ACSBG1: variants seen among roughly 807,000 people sequenced by gnomAD.
The protein encoded by ACSBG1 is acyl-CoA synthetase bubblegum family member 1, also known as long-chain-fatty-acid--CoA ligase ACSBG1.
A neutral mutation model predicts 80.2 loss-of-function variants in ACSBG1; 39 were observed. That is an observed-to-expected ratio of 0.49 (90% CI 0.38 to 0.64). The LOEUF is 0.64. Among genes scored for constraint, ACSBG1 ranks in the 30% least tolerant of loss-of-function variants. The pLI is 0.00. For missense variants in ACSBG1, 828 were observed against 966.4 expected (o/e 0.86, Z 1.90); for synonymous variants, 392 against 379.5 (o/e 1.03, Z -0.38).
At chr15:78,187,013 A>G (rs1171552740) in intron 5 of ACSBG1, among the ~76,000 whole-genome samples, 1 of 152,208 alleles carries the variant, frequency 6.6e-6, no homozygotes, top group Non-Finnish European at 1.5e-5. Context: ...TCCCACAGAA[A>G]TACAAACTAC....
At chr15:78,232,887 G>C (rs2075459119) in intron 1 of ACSBG1, among the ~76,000 whole-genome samples, 1 of 152,054 alleles carries the variant, frequency 6.6e-6, no homozygotes, top group Admixed American at 6.5e-5. Flanking sequence ...ATCACATTGG[G>C]CAGGCTGGTC....
intron 5 of ACSBG1, among the ~76,000 whole-genome samples, chr15:78,188,463 G>T (rs2141340505): frequency 6.6e-6 from 1 of 150,680 alleles, no homozygotes; most frequent in Non-Finnish European, 1.5e-5. Context: ...CATGGTACTG[G>T]TACCAAAACA....
At chr15:78,180,287 T>C (rs1469292557) in intron 9 of ACSBG1, among the ~76,000 whole-genome samples, 1 of 152,168 alleles carries the variant, frequency 6.6e-6, no homozygotes, top group Non-Finnish European at 1.5e-5. Flanking sequence ...TACTTCTAAA[T>C]TGAAACCAAG....
chr15:78,207,006 C>T (rs1458687771), intron 2 of ACSBG1, among the ~76,000 whole-genome samples: 1 of 152,236 alleles, frequency 6.6e-6, no homozygotes, highest in Non-Finnish European at 1.5e-5. Flanking sequence ...TTGAGCACCC[C>T]AGAGAAGGGA....
chr15:78,182,379 T>TC (rs1396398612), intron 7 of ACSBG1, 87 bp downstream of exon 7: 5 of 1,542,874 alleles, frequency 3.2e-6, no homozygotes, highest in Non-Finnish European at 4.4e-6. Context: ...CAAGGAGCTT[T>TC]CCCAGGGGCT....
In ACSBG1 at chr15:78,174,506, C is replaced by T; in HGVS notation, c.1721G>A (p.Gly574Asp). 6.2e-7 allele frequency: 1 copy of T among 1,614,152 alleles called. No individual in the cohort carries two copies. Among genetic ancestry groups the T allele is most frequent in the East Asian group, 2.2e-5 (1 of 44,886 alleles). The change falls in exon 12 of 14, where the codon GGT (glycine) becomes GAT (aspartate). Residue 574 changes from glycine (G) to aspartate (D), a missense_variant. Transcript: ENST00000258873. ...GRLKELIITAGGENVPPVPIE... is the reference protein window; with the variant it reads ...GRLKELIITADGENVPPVPIE... ...GGGCACAGGGGGCACATTCTCCCCA[C>T]CAGCTGTGATGATTAATTCTGGGGA...
At chr15:78,233,668 T>A (rs1269937262) in intron 1 of ACSBG1, among the ~76,000 whole-genome samples, 1 of 152,166 alleles carries the variant, frequency 6.6e-6, no homozygotes, top group African/African-American at 2.4e-5. Context: ...AAATCACAGA[T>A]GTTGGGGTCC....
chr15:78,228,349 C>T (rs1325269823), intron 1 of ACSBG1, among the ~76,000 whole-genome samples: 2 of 152,104 alleles, frequency 1.3e-5, no homozygotes, highest in Non-Finnish European at 2.9e-5. Flanking sequence ...GTAGTGAGTT[C>T]CCCTTCCCTA....
chr15:78,168,723 A>G lies in ACSBG1; in HGVS notation c.*2721T>C, dbSNP rs1490586533. 5 of 507,446 alleles carry G rather than the reference A, an allele frequency of 9.9e-6. No individual in the cohort carries two copies. Among genetic ancestry groups the G allele is most frequent in the Non-Finnish European group, 1.4e-5 (4 of 277,792 alleles). The allele number at this position is 507,446 out of a possible 1,614,324, so 31.4% of individuals were successfully genotyped here. On this transcript the variant is annotated 3_prime_UTR_variant, in exon 14 of 14. Coordinates refer to ENST00000258873, the MANE Select transcript of ACSBG1 (RefSeq NM_015162.5). Reference sequence around the variant, plus strand: ...CTTATTCTTTGCAGAGTGCTGTTGTATACACTATGAGATTGGATCCCGATC... The same window carrying G: ...CTTATTCTTTGCAGAGTGCTGTTGTGTACACTATGAGATTGGATCCCGATC...
At chr15:78,220,137 T>C (rs1455639934) in intron 1 of ACSBG1, among the ~76,000 whole-genome samples, 3 of 152,222 alleles carry the variant, frequency 2.0e-5, no homozygotes, top group Non-Finnish European at 2.9e-5. Context: ...TAAGGACAGA[T>C]ATATAGGTGA....
chr15:78,193,414 G>A, intron 5 of ACSBG1, 92 bp downstream of exon 5: 1 of 1,519,330 alleles, frequency 6.6e-7, no homozygotes, highest in Non-Finnish European at 8.9e-7. Context: ...GGACACTCTG[G>A]ATGGAGGGCG....
chr15:78,173,806 C>A lies in ACSBG1; in HGVS notation c.1876G>T (p.Asp626Tyr). The change falls in exon 13 of 14, where the codon GAT (aspartate) becomes TAT (tyrosine). Residue 626 changes from aspartate (D) to tyrosine (Y), a missense_variant. Physicochemically the swap from Asp to Tyr is radical, Grantham distance 160. Around this residue, in one of 3 missense-constraint regions of ACSBG1, gnomAD observed 201 missense variants for 227.0 expected, o/e 0.89. Transcript: ENST00000258873. ...TLDPDTSDQT[D>Y]NLTEQAMEFC... ...TCCATAGCTTGTTCAGTCAGATTAT[C>A]AGTCTGGTCAGAGGTGTCTGGGTCC... 1 of 1,614,090 alleles carries A rather than the reference C, an allele frequency of 6.2e-7. No homozygotes were observed. The highest frequency in any genetic ancestry group is 1.1e-5 in the South Asian group (1 of 91,014).
At position 78,208,029 on chromosome 15, in the gene ACSBG1, C is replaced by T. The variant is rs900819676; in HGVS notation, c.205G>A (p.Val69Met). 3.8e-6 allele frequency: 6 copies of T among 1,562,050 alleles called. No individual in the cohort carries two copies. Among genetic ancestry groups the T allele is most frequent in the Non-Finnish European group, 5.2e-6 (6 of 1,146,660 alleles). Residue 69 changes from valine (V) to methionine (M), a missense_variant, in exon 2 of 14, where the codon GTG becomes ATG. Physicochemically the swap from Val to Met is conservative, Grantham distance 21. Transcript: ENST00000258873. ...HALELSVPEK[V>M]NNAQWDAPEE... ...GGAGCATCCCACTGGGCATTATTCA[C>T]CTTCTCTGGCACTGAGAGCTCGAGA...
At chr15:78,184,864 A>G in intron 5 of ACSBG1, among the ~76,000 whole-genome samples, 1 of 152,150 alleles carries the variant, frequency 6.6e-6, no homozygotes, top group East Asian at 1.9e-4. Flanking sequence ...TTGTTTGGAG[A>G]GAAAGCAATT....
chr15:78,178,613 C>T lies in ACSBG1; in HGVS notation c.1702+1G>A. 6.2e-7 allele frequency: 1 copy of T among 1,608,144 alleles called. No individual in the cohort carries two copies. Among genetic ancestry groups the T allele is most frequent in the South Asian group, 1.1e-5 (1 of 90,432 alleles). Reference sequence around the variant, plus strand: ...CACCGTGCCTGGCCTGGGGTGCTCACCTTTGAGGCGCCCAGTGATGTAGAG... The same window carrying T: ...CACCGTGCCTGGCCTGGGGTGCTCATCTTTGAGGCGCCCAGTGATGTAGAG... On this transcript the variant is annotated splice_donor_variant, in intron 11 of 13. Transcript: ENST00000258873. LOFTEE classifies it high-confidence loss of function. The surrounding 1 kb of genome is among the most constrained non-coding windows in gnomAD (Gnocchi z 4.3).
intron 1 of ACSBG1, among the ~76,000 whole-genome samples, chr15:78,224,389 A>C (rs983263665): frequency 1.3e-5 from 2 of 152,218 alleles, no homozygotes; most frequent in African/African-American, 4.8e-5. Flanking sequence ...GCAATAGATA[A>C]CTAGAACACC....
intron 5 of ACSBG1, among the ~76,000 whole-genome samples, chr15:78,187,443 A>C (rs1177870042): frequency 6.6e-6 from 1 of 152,126 alleles, no homozygotes; most frequent in Admixed American, 6.5e-5. Context: ...CTGGCAAACC[A>C]AATCCAGCAG....
At chr15:78,193,715 A>G in intron 4 of ACSBG1, 89 bp from the exon 5 acceptor site, 3 of 1,269,772 alleles carry the variant, frequency 2.4e-6, no homozygotes, top group Non-Finnish European at 3.0e-6. Context: ...CCCCAGACCC[A>G]GAGAGCTCCC....
intron 1 of ACSBG1, among the ~76,000 whole-genome samples, chr15:78,223,701 C>CA (rs1228165370): frequency 6.6e-6 from 1 of 152,188 alleles, no homozygotes; most frequent in Non-Finnish European, 1.5e-5. Flanking sequence ...TGTGACCCAG[C>CA]AAATGGAAAG....
Sources: allele counts gnomAD v4.1 joint callset (sites outside exome capture counted in the v4.1 genomes callset), GRCh38; gene constraint gnomAD v4.1.1; regional missense constraint gnomAD v4.1.1; non-coding constraint Gnocchi (gnomAD v3.1); transcripts MANE v1.5; gene names NCBI Gene and HGNC (gene_info 2026-07-23, HGNC 2026-07-21).